CFAP65: variants seen among roughly 807,000 people sequenced by gnomAD.
CFAP65 encodes the protein cilia and flagella associated protein 65.
In CFAP65, 155 loss-of-function variants were observed where a neutral mutation model predicts 208.0. The observed-to-expected ratio is 0.75, with a 90% CI of 0.65 to 0.85. The LOEUF is 0.85. Ranked by LOEUF, CFAP65 falls within the 40% of genes least tolerant of loss-of-function variation. The pLI, the probability that CFAP65 is intolerant of heterozygous loss-of-function variation, is 0.00. For missense variants in CFAP65, 2,294 were observed against 2,451.3 expected, an observed-to-expected ratio of 0.94 and a Z score of 1.36; for synonymous variants, 970 against 986.3, an observed-to-expected ratio of 0.98 and a Z score of 0.31.
intron 2 of CFAP65, among the ~76,000 whole-genome samples, chr2:219,040,258 T>A (rs1368035637): frequency 1.3e-5 from 2 of 152,186 alleles, no homozygotes; most frequent in Admixed American, 1.3e-4. Context: ...TTTTAATGTG[T>A]TCAGATTTAG....
At chr2:219,015,067 G>A (rs1946770168) in intron 21 of CFAP65, 1 of 147,146 alleles carries the variant, frequency 6.8e-6, no homozygotes, top group Non-Finnish European at 1.5e-5. Context: ...CACACCCGAG[G>A]AGAATGCGCA....
intron 29 of CFAP65, among the ~76,000 whole-genome samples, chr2:219,008,178 G>A (rs796897319): frequency 3.3e-5 from 5 of 152,202 alleles, no homozygotes; most frequent in African/African-American, 1.2e-4. Context: ...AAAAGTGGAG[G>A]GGATGCTACA....
intron 24 of CFAP65, among the ~76,000 whole-genome samples, chr2:219,012,944 G>A (rs1946583962): frequency 6.6e-6 from 1 of 152,140 alleles, no homozygotes; most frequent in South Asian, 2.1e-4. Context: ...TGGGGTGTAA[G>A]CATATATAAC....
Position 219,031,920 on chromosome 2 carries a change from CTTTTCT to C in CFAP65, c.646-268_646-263del, listed in dbSNP as rs1948070944. 7.1e-6 allele frequency among the ~76,000 whole-genome samples: 1 copy of C among 140,446 alleles called. No individual in the cohort carries two copies. The highest frequency in any genetic ancestry group is 2.8e-5 in the African/African-American group (1 of 35,972). The allele number at this position is 140,446 out of a possible 152,430, so 92.1% of individuals were successfully genotyped here. On this transcript the variant is annotated intron_variant, in intron 6 of 34. Transcript: ENST00000341552. This position sits in a 1 kb window ranked among gnomAD's most constrained non-coding sequence, Gnocchi z 5.2. ...AAGGAATGTAGAAGGGGTTTCTTTT[CTTTTCT>C]TTTTTTTTTTTTTTTTTTGAGTCTC...
intron 27 of CFAP65, 87 bp from the exon 28 acceptor site, chr2:219,009,547 A>G (rs1946282104): frequency 3.6e-6 from 3 of 839,732 alleles, no homozygotes; most frequent in Admixed American, 1.9e-5. Flanking sequence ...GAGATGGGAC[A>G]GGATAAGATG....
At chr2:219,029,382 C>T (rs758621205) in intron 11 of CFAP65, 21 bp downstream of exon 11, 1 of 1,605,136 alleles carries the variant, frequency 6.2e-7, no homozygotes, top group Non-Finnish European at 8.5e-7. Context: ...CCCTCAGCCT[C>T]ATGCCCTCCC....
At chr2:219,009,021 T>A in intron 29 of CFAP65, 26 bp downstream of exon 29, 1 of 1,576,776 alleles carries the variant, frequency 6.3e-7, no homozygotes, top group Non-Finnish European at 8.7e-7. Flanking sequence ...GATCTGGGTG[T>A]TTGAGATCTA....
chr2:219,008,088 G>A (rs1946152267), intron 29 of CFAP65, among the ~76,000 whole-genome samples: 1 of 152,102 alleles, frequency 6.6e-6, no homozygotes, highest in African/African-American at 2.4e-5. Flanking sequence ...CAAAGTGCTG[G>A]GATTACAGGT....
chr2:219,009,848 GATGGGATGGAGTGGGGTGGT>G, intron 27 of CFAP65, 74 bp downstream of exon 27: 8 of 1,087,816 alleles, frequency 7.4e-6, no homozygotes, highest in Middle Eastern at 3.3e-4. Context: ...TGTGGGGTGG[GATGGGATGGAGTGGGGTGGT>G]ATGGGATGGG....
rs1945715388 is a variant in CFAP65 at position 219,003,357 on chromosome 2, G to T, written c.5556-85C>A. 7.0e-7 allele frequency: 1 copy of T among 1,431,194 alleles called. No individual in the cohort carries two copies. Among genetic ancestry groups the T allele is most frequent in the Non-Finnish European group, 9.2e-7 (1 of 1,088,716 alleles). 88.7% of individuals were successfully genotyped at this position (1,431,194 alleles called of 1,614,324 possible). ...GCCTGTCCGTGCGGTACATTGTGCC[G>T]CGAGCTCTACGGAGATTCCCATTCG... is the stretch of plus-strand genomic sequence containing the variant. On this transcript the variant is annotated intron_variant, in intron 33 of 34. Transcript: ENST00000341552. The surrounding 1 kb of genome is among the most constrained non-coding windows in gnomAD (Gnocchi z 4.4).
At chr2:219,011,071 C>A in intron 24 of CFAP65, 75 bp from the exon 25 acceptor site, 1 of 1,413,222 alleles carries the variant, frequency 7.1e-7, no homozygotes, top group South Asian at 1.4e-5. Context: ...ATGCTGTGCC[C>A]ACTGTGGGAG....
rs1945732774 is a variant in CFAP65, at chr2:219,003,604, T to A, written c.5556-332A>T. ...GGTGGGGCCTAGGGAATCCCTACAA[T>A]GACATAAATCATCTGTAGGGCAGCC... On this transcript the variant is annotated intron_variant, in intron 33 of 34. Transcript: ENST00000341552. The surrounding 1 kb of genome is among the most constrained non-coding windows in gnomAD (Gnocchi z 4.4). 6.6e-6 allele frequency among the ~76,000 whole-genome samples: 1 copy of A among 152,128 alleles called. No homozygotes were observed. The highest frequency in any genetic ancestry group is 1.5e-5 in the Non-Finnish European group (1 of 68,024).
intron 5 of CFAP65, 93 bp downstream of exon 5, chr2:219,035,387 G>A (rs1948293324): frequency 1.9e-6 from 3 of 1,609,090 alleles, no homozygotes; most frequent in South Asian, 2.2e-5. Flanking sequence ...GCATGTTAAA[G>A]GTTTTTTTTG....
At chr2:219,022,395 G>C (rs767799282) in intron 16 of CFAP65, 66 bp from the exon 17 acceptor site, 5 of 1,534,416 alleles carry the variant, frequency 3.3e-6, no homozygotes, top group Non-Finnish European at 4.4e-6. Context: ...CTGGCCATCC[G>C]AGGCCCCATG....
chr2:219,038,519 A>G lies in CFAP65; in HGVS notation c.213T>C (p.Ala71=), dbSNP rs779244355. The G allele has an allele frequency of 9.9e-6, 16 of 1,614,028 alleles. No homozygotes were observed. Among genetic ancestry groups the G allele is most frequent in the Non-Finnish European group, 1.4e-5 (16 of 1,180,028 alleles). Residue 71 remains alanine, a synonymous_variant, in exon 4 of 35, where the codon GCT becomes GCC. Coordinates refer to ENST00000341552, the MANE Select transcript of CFAP65 (RefSeq NM_194302.4). The stretch of plus-strand genomic sequence containing the variant: ...TCCTGGACCTCACGACGGAGCTTGG[A>G]GCCTGGGTGAGCATCATGTCCTTGG... The part of the protein sequence containing the change: ...LCPKDMMLTQ[A]PSSVVRSRNS...
At chr2:219,017,774 C>A (rs376676070) in intron 21 of CFAP65, among the ~76,000 whole-genome samples, 1 of 152,238 alleles carries the variant, frequency 6.6e-6, no homozygotes, top group Admixed American at 6.5e-5. Flanking sequence ...TTTCTGCCCC[C>A]AACCCTCTCC....
chr2:219,033,339 G>A lies in CFAP65; in HGVS notation c.543-767C>T, dbSNP rs576059133. On this transcript the variant is annotated intron_variant, in intron 5 of 34. Transcript: ENST00000341552. Reference sequence around the variant, plus strand: ...TTTTTTTAAAAAATTAGCCAGGCATGGTGGTGCATGCCTACAGTCCCAGCT... The same window carrying A: ...TTTTTTTAAAAAATTAGCCAGGCATAGTGGTGCATGCCTACAGTCCCAGCT... 1.4e-3 allele frequency among the ~76,000 whole-genome samples: 211 copies of A among 152,230 alleles called. 1 individual carries two copies. The highest frequency in any genetic ancestry group is 4.9e-3 in the African/African-American group (204 of 41,524).
chr2:219,027,342 C>G, intron 13 of CFAP65: 1 of 1,446,000 alleles, frequency 6.9e-7, no homozygotes, highest in Non-Finnish European at 9.1e-7. Flanking sequence ...AGCTAGGAGG[C>G]CTCCTAGCCA....
At chr2:219,026,695 C>T (rs1024498353) in intron 13 of CFAP65, 95 of 702,690 alleles carry the variant, frequency 1.4e-4, no homozygotes, top group Admixed American at 3.1e-4. Flanking sequence ...ACTCACGGCA[C>T]GTCTCAATTG....
Sources: allele counts gnomAD v4.1 joint callset (sites outside exome capture counted in the v4.1 genomes callset), GRCh38; gene constraint gnomAD v4.1.1; non-coding constraint Gnocchi (gnomAD v3.1); transcripts MANE v1.5; gene names NCBI Gene and HGNC (gene_info 2026-07-23, HGNC 2026-07-21).